Variants in SLC25A37 observed in about 807,000 individuals in gnomAD.
SLC25A37 encodes the protein solute carrier family 25 member 37.
Under a neutral mutation model 31.0 loss-of-function variants are expected in SLC25A37, and 17 were observed. The ratio of observed to expected loss-of-function variants is 0.55; its 90% confidence interval spans 0.38 to 0.82. SLC25A37 has a LOEUF of 0.82. Among genes scored for constraint, SLC25A37 ranks in the 40% least tolerant of loss-of-function variants. SLC25A37 has a pLI of 0.00. For missense variants in SLC25A37, 404 were observed against 465.8 expected (o/e 0.87, Z 1.22); for synonymous variants, 222 against 193.0 (o/e 1.15, Z -1.24).
chr8:23,563,235 G>A (rs1563264659), intron 1 of SLC25A37, among the ~76,000 whole-genome samples: 1 of 151,702 alleles, frequency 6.6e-6, no homozygotes, highest in Non-Finnish European at 1.5e-5. Context: ...CACCCAGGCT[G>A]GAGTGCAGTG....
intron 1 of SLC25A37, among the ~76,000 whole-genome samples, chr8:23,536,506 A>G (rs936359051): frequency 2.6e-5 from 4 of 151,828 alleles, no homozygotes; most frequent in Non-Finnish European, 4.4e-5. Context: ...CTCTTTGGGC[A>G]TGGCTTCTCC....
intron 1 of SLC25A37, among the ~76,000 whole-genome samples, chr8:23,556,604 A>G (rs887590746): frequency 3.3e-5 from 5 of 151,858 alleles, no homozygotes; most frequent in African/African-American, 9.7e-5. Context: ...GTGTATATAT[A>G]TGTGTGTATA....
Position 23,546,589 on chromosome 8 carries a change from A to G in SLC25A37, c.210+17377A>G, listed in dbSNP as rs1364876805. On this transcript the variant is annotated intron_variant, in intron 1 of 3. Coordinates refer to ENST00000519973, the MANE Select transcript of SLC25A37 (RefSeq NM_016612.4). ...ATATATATATATATATATAGTGTATATATATATAGTGTATGTGTGTGTGTG... is the reference window on the plus strand; with the variant it reads ...ATATATATATATATATATAGTGTATGTATATATAGTGTATGTGTGTGTGTG... Among the ~76,000 whole-genome samples, 74 of 70,372 alleles carry G rather than the reference A, an allele frequency of 1.1e-3. 2 individuals carry two copies. Among genetic ancestry groups the G allele is most frequent in the African/African-American group, 6.3e-3 (67 of 10,582 alleles). 46.2% of individuals were successfully genotyped at this position (70,372 alleles called of 152,430 possible).
At chr8:23,569,525 G>T (rs1563268436) in intron 3 of SLC25A37, among the ~76,000 whole-genome samples, 1 of 152,062 alleles carries the variant, frequency 6.6e-6, no homozygotes, top group African/African-American at 2.4e-5. Context: ...CAATTTGACT[G>T]TTTTTAATAT....
chr8:23,570,666 CTTTA>C (rs1487819725), intron 3 of SLC25A37, among the ~76,000 whole-genome samples: 2 of 152,052 alleles, frequency 1.3e-5, no homozygotes, highest in East Asian at 1.9e-4. Flanking sequence ...GGTTTACAGT[CTTTA>C]TTTGTTTAAA....
intron 1 of SLC25A37, among the ~76,000 whole-genome samples, chr8:23,537,068 C>T (rs575554959): frequency 3.8e-4 from 57 of 151,986 alleles, no homozygotes; most frequent in African/African-American, 1.2e-3. Context: ...TAGTGGTATG[C>T]GCCAGTGGTC....
chr8:23,535,253 A>G (rs988053084), intron 1 of SLC25A37, among the ~76,000 whole-genome samples: 3 of 152,056 alleles, frequency 2.0e-5, no homozygotes, highest in Admixed American at 1.3e-4. Flanking sequence ...TCCAATGCGC[A>G]TGCTCCCTGG....
chr8:23,568,042 C>T, intron 2 of SLC25A37: 1 of 475,452 alleles, frequency 2.1e-6, no homozygotes, highest in Non-Finnish European at 3.9e-6. Context: ...ACCACCAACA[C>T]TTGCAGGTTT....
At chr8:23,551,029 A>G (rs982261851) in intron 1 of SLC25A37, among the ~76,000 whole-genome samples, 1 of 152,126 alleles carries the variant, frequency 6.6e-6, no homozygotes, top group African/African-American at 2.4e-5. Context: ...ACTTGGCCAC[A>G]CCAGACCAGT....
Position 23,574,012 on chromosome 8 carries a change from A to G in SLC25A37, c.*2157A>G. 1 of 360,408 alleles carries G rather than the reference A, an allele frequency of 2.8e-6. No individual in the cohort carries two copies. 22.3% of individuals were successfully genotyped at this position (360,408 alleles called of 1,614,324 possible). ...TTCTAAATTTCAAAGTAGAATTTAA[A>G]GCAAATTTGTAAAAAAATTATCCTA... is the stretch of plus-strand genomic sequence containing the variant. On this transcript the variant is annotated 3_prime_UTR_variant, in exon 4 of 4. Transcript: ENST00000519973.
At chr8:23,544,864 C>T (rs958177380) in intron 1 of SLC25A37, among the ~76,000 whole-genome samples, 7 of 152,144 alleles carry the variant, frequency 4.6e-5, no homozygotes, top group Non-Finnish European at 8.8e-5. Flanking sequence ...AATCTTAATT[C>T]CCTGTTTGAC....
chr8:23,534,408 G>GA (rs1801722825), intron 1 of SLC25A37, among the ~76,000 whole-genome samples: 1 of 152,180 alleles, frequency 6.6e-6, no homozygotes, highest in Non-Finnish European at 1.5e-5. Context: ...GCTTCTTCAT[G>GA]TCCTTACTTG....
rs1400091336 is a variant in SLC25A37 at position 23,529,043 on chromosome 8, C to T, written c.41C>T (p.Ala14Val). The T allele has an allele frequency of 4.5e-6, 7 of 1,560,918 alleles. No individual in the cohort carries two copies. The Admixed American group carries it at 5.7e-5, about 13-fold the overall frequency. The change falls in exon 1 of 4, where the codon GCG (alanine) becomes GTG (valine). Residue 14 changes from alanine to valine, a missense_variant. By Grantham distance (64) the Ala-to-Val change is moderately conservative (BLOSUM62 0). Coordinates refer to ENST00000519973, the MANE Select transcript of SLC25A37 (RefSeq NM_016612.4). The surrounding 1 kb of genome is among the most constrained non-coding windows in gnomAD (Gnocchi z 4.1). ...RSGSVGSQAV[A>V]RRMDGDSRDG... ...GGGAGCGTGGGCAGCCAGGCGGTGG[C>T]GCGGAGGATGGATGGGGACAGCCGA...
At chr8:23,531,356 G>A (rs1296672158) in intron 1 of SLC25A37, among the ~76,000 whole-genome samples, 4 of 152,208 alleles carry the variant, frequency 2.6e-5, no homozygotes, top group Admixed American at 6.5e-5. Flanking sequence ...AGAAACCCGG[G>A]TTGGGCTTCA....
In SLC25A37 at chr8:23,568,318, G is replaced by T. The variant is rs768328609; in HGVS notation, c.440-4G>T. ...AGGGTAATTTTCTGGAGTTTGTTTT[G>T]CAGGGATAGCTGGGAGTATGGCCAC... On this transcript the variant is annotated splice_region_variant and splice_polypyrimidine_tract_variant and intron_variant, in intron 2 of 3. Coordinates refer to ENST00000519973, the MANE Select transcript of SLC25A37 (RefSeq NM_016612.4). 6.2e-7 allele frequency: 1 copy of T among 1,613,726 alleles called. No homozygotes were observed. The highest frequency in any genetic ancestry group is 1.1e-5 in the South Asian group (1 of 91,080).
Position 23,547,641 on chromosome 8 carries a change from A to G in SLC25A37, c.210+18429A>G, listed in dbSNP as rs73555529. The stretch of plus-strand genomic sequence containing the variant: ...CTTTTGCTTTGCAGCGGAAGCTAGG[A>G]AGACCCTGCTGTGGAATTTTGCAGA... On this transcript the variant is annotated intron_variant, in intron 1 of 3. Transcript: ENST00000519973. Among the ~76,000 whole-genome samples, 1,287 of 152,310 alleles carry G rather than the reference A, an allele frequency of 8.4e-3. 26 individuals carry two copies. Among genetic ancestry groups the G allele is most frequent in the African/African-American group, 0.03 (1,233 of 41,566 alleles).
At chr8:23,542,064 T>C (rs1229099791) in intron 1 of SLC25A37, among the ~76,000 whole-genome samples, 5 of 152,226 alleles carry the variant, frequency 3.3e-5, no homozygotes, top group South Asian at 4.1e-4. Flanking sequence ...CTGCCCTTCA[T>C]TGAATGACTG....
At chr8:23,533,030 C>T (rs1801692574) in intron 1 of SLC25A37, among the ~76,000 whole-genome samples, 1 of 152,064 alleles carries the variant, frequency 6.6e-6, no homozygotes, top group Non-Finnish European at 1.5e-5. Flanking sequence ...GTCTCCTCTC[C>T]CTCACATCCC....
chr8:23,534,513 T>C (rs548439319), intron 1 of SLC25A37, among the ~76,000 whole-genome samples: 1 of 152,318 alleles, frequency 6.6e-6, no homozygotes, highest in South Asian at 2.1e-4. Flanking sequence ...CAGTGGGCCT[T>C]GTGGAAGTTC....
Sources: gnomAD v4.1 joint callset for allele counts (sites outside exome capture counted in the v4.1 genomes callset) on GRCh38, gnomAD v4.1.1 for gene constraint, Gnocchi (gnomAD v3.1) non-coding constraint, MANE v1.5 for transcripts, NCBI Gene and HGNC (gene_info 2026-07-23, HGNC 2026-07-21) for gene names.